Variants in CEP120 observed in about 807,000 individuals in gnomAD.
The protein encoded by CEP120 is centrosomal protein of 120 kDa.
In CEP120, 113 loss-of-function variants were observed where a neutral mutation model predicts 126.5. That is an observed-to-expected ratio of 0.89 (90% CI 0.77 to 1.04). The LOEUF (loss-of-function observed/expected upper bound fraction) is 1.04, where lower values mean the gene tolerates loss of function less well. Among genes scored for constraint, CEP120 ranks in the 50% least tolerant of loss-of-function variants. The pLI is 0.00. For synonymous variants in CEP120, 400 were observed against 394.3 expected, an observed-to-expected ratio of 1.01 and a Z score of -0.17; for missense variants, 1,230 against 1,155.7, an observed-to-expected ratio of 1.06 and a Z score of -0.93.
chr5:123,420,856 C>T (rs536722162), intron 1 of CEP120, among the ~76,000 whole-genome samples: 14 of 152,290 alleles, frequency 9.2e-5, no homozygotes, highest in African/African-American at 3.1e-4. Flanking sequence ...ATCAATTATA[C>T]TTGATGACCA....
intron 3 of CEP120, 49 bp downstream of exon 3, chr5:123,415,961 T>C (rs201654132): frequency 1.6e-6 from 2 of 1,219,010 alleles, no homozygotes; most frequent in Non-Finnish European, 2.4e-6. Context: ...CTACTGAAAA[T>C]AATCGACTGT....
chr5:123,411,387 T>A (rs968973157), intron 4 of CEP120, among the ~76,000 whole-genome samples: 4 of 152,206 alleles, frequency 2.6e-5, no homozygotes, highest in African/African-American at 9.6e-5. Context: ...CACAGATGTT[T>A]ACAGCAGTTT....
chr5:123,382,427 T>A (rs559903314), intron 13 of CEP120, among the ~76,000 whole-genome samples: 1 of 151,712 alleles, frequency 6.6e-6, no homozygotes, highest in African/African-American at 2.4e-5. Context: ...GCTTTCTAAC[T>A]CTTGTTTGGA....
intron 4 of CEP120, among the ~76,000 whole-genome samples, chr5:123,411,685 G>T (rs1323389140): frequency 6.6e-6 from 1 of 152,224 alleles, no homozygotes; most frequent in African/African-American, 2.4e-5. Context: ...CAAGGGGATG[G>T]GAGGAGGGAG....
intron 4 of CEP120, among the ~76,000 whole-genome samples, chr5:123,407,295 G>A (rs932751680): frequency 6.6e-6 from 1 of 151,948 alleles, no homozygotes; most frequent in African/African-American, 2.4e-5. Context: ...TAGTTTAAAT[G>A]CACCAGTTAA....
chr5:123,415,258 G>A (rs1156426970), intron 3 of CEP120, among the ~76,000 whole-genome samples: 1 of 152,116 alleles, frequency 6.6e-6, no homozygotes, highest in Admixed American at 6.5e-5. Flanking sequence ...CAGAATAGCA[G>A]ACAGATCAGG....
At chr5:123,396,989 C>A (rs1346311979) in intron 5 of CEP120, among the ~76,000 whole-genome samples, 1 of 152,110 alleles carries the variant, frequency 6.6e-6, no homozygotes, top group Non-Finnish European at 1.5e-5. Context: ...TAAATATGAA[C>A]AATTATGCTT....
At chr5:123,408,455 G>A (rs779704431) in intron 4 of CEP120, among the ~76,000 whole-genome samples, 1 of 151,294 alleles carries the variant, frequency 6.6e-6, no homozygotes, top group Non-Finnish European at 1.5e-5. Context: ...AGAGCCTACC[G>A]GTATTAAAAT....
intron 9 of CEP120, among the ~76,000 whole-genome samples, chr5:123,387,514 A>C (rs1470520548): frequency 6.6e-6 from 1 of 152,152 alleles, no homozygotes; most frequent in Admixed American, 6.5e-5. Context: ...ACACAGCTGC[A>C]AACTACAATT....
In CEP120 at chr5:123,422,600, A is replaced by C. The variant is rs1158076528; in HGVS notation, c.49+350T>G. The C allele has an allele frequency of 5.4e-6, 8 of 1,470,490 alleles. No homozygotes were observed. The South Asian group carries it at 9.7e-5, about 18-fold the overall frequency. The allele number at this position is 1,470,490 out of a possible 1,614,324, so 91.1% of individuals were successfully genotyped here. A position where few individuals can be genotyped will look rare whatever the true frequency, so the allele number is the denominator to read the frequency against. On this transcript the variant is annotated intron_variant, in intron 1 of 19. Coordinates refer to ENST00000306467, the MANE Select transcript of CEP120 (RefSeq NM_001375405.1). ...CCTGTATTCAAGTCAAAGCTCTTACAAGTGCTATTATTGGGAACCGCTGAT... is the reference window on the plus strand; with the variant it reads ...CCTGTATTCAAGTCAAAGCTCTTACCAGTGCTATTATTGGGAACCGCTGAT...
rs112750421 is a variant in CEP120 at position 123,422,551 on chromosome 5, G to A, written c.49+399C>T. On this transcript the variant is annotated intron_variant, in intron 1 of 19. Transcript: ENST00000306467. Reference sequence around the variant, plus strand: ...AGACGTGTAAAGGGAATTGCCTCCGGAACACTTCTGGAATCGCAGGAAGCC... The same window carrying A: ...AGACGTGTAAAGGGAATTGCCTCCGAAACACTTCTGGAATCGCAGGAAGCC... The A allele has an allele frequency of 1.1e-3, 1,658 of 1,535,396 alleles. 17 individuals carry two copies. In the African/African-American group the frequency reaches 0.02, roughly 18 times the overall value.
chr5:123,377,431 T>C lies in CEP120; in HGVS notation c.2301A>G (p.Glu767=). The change falls in exon 16 of 20, where the codon GAA becomes GAG. Residue 767 remains glutamate, a synonymous_variant. Transcript: ENST00000306467. ...GCTGTTTGATTTTTAACCTTTCTAG[T>C]TCTACTTGGTGAATACAGTCCTCTT... ...RAKEDCIHQV[E]LERLKIKQLE... The C allele has an allele frequency of 1.9e-6, 3 of 1,611,602 alleles. No homozygotes were observed. The South Asian group carries it at 3.3e-5, about 18-fold the overall frequency.
intron 8 of CEP120, among the ~76,000 whole-genome samples, chr5:123,389,226 T>C (rs1230769083): frequency 6.6e-6 from 1 of 152,196 alleles, no homozygotes; most frequent in African/African-American, 2.4e-5. Context: ...ATATGCATTC[T>C]TAGACTCTCT....
Position 123,382,786 on chromosome 5 carries a change from A to C in CEP120, c.1964T>G (p.Leu655Arg). Residue 655 changes from leucine to arginine, a missense_variant, in exon 13 of 20, where the codon CTT becomes CGT. By Grantham distance (102) the Leu-to-Arg change is moderately radical. Transcript: ENST00000306467. ...CATCTCCTTCCACATTTCTAGCTCA[A>C]GTGCTGCTTTGTATTCTAACGTTTC... ...PRETLEYKAA[L>R]ELEMWKEMQE... 6.2e-7 allele frequency: 1 copy of C among 1,613,334 alleles called. No homozygotes were observed. Among genetic ancestry groups the C allele is most frequent in the Non-Finnish European group, 8.5e-7 (1 of 1,179,600 alleles).
At chr5:123,409,636 T>G (rs1023827458) in intron 4 of CEP120, among the ~76,000 whole-genome samples, 2 of 152,084 alleles carry the variant, frequency 1.3e-5, no homozygotes, top group African/African-American at 4.8e-5. Context: ...ATAAAAAATA[T>G]GTGGAAAGAA....
intron 18 of CEP120, among the ~76,000 whole-genome samples, chr5:123,357,543 C>T (rs1295574609): frequency 6.6e-6 from 1 of 152,088 alleles, no homozygotes; most frequent in Admixed American, 6.6e-5. Flanking sequence ...GTAATGAGCA[C>T]AAGACATAAA....
intron 18 of CEP120, among the ~76,000 whole-genome samples, chr5:123,354,784 T>TAAA (rs910503259): frequency 6.6e-6 from 1 of 151,254 alleles, no homozygotes; most frequent in Admixed American, 6.6e-5. Context: ...TGTTTTTTTT[T>TAAA]TAAATATATT....
chr5:123,367,990 C>G (rs1770585520), intron 17 of CEP120, among the ~76,000 whole-genome samples: 1 of 151,874 alleles, frequency 6.6e-6, no homozygotes, highest in South Asian at 2.1e-4. Context: ...TTCAGAAGAG[C>G]TGAAAAGCCT....
chr5:123,389,428 G>C (rs1176157836), intron 8 of CEP120, among the ~76,000 whole-genome samples: 2 of 152,128 alleles, frequency 1.3e-5, no homozygotes, highest in Non-Finnish European at 1.5e-5. Flanking sequence ...TGTTAATTTA[G>C]AGAATTATAT....
Sources: allele counts gnomAD v4.1 joint callset (sites outside exome capture counted in the v4.1 genomes callset), GRCh38; gene constraint gnomAD v4.1.1; transcripts MANE v1.5; gene names NCBI Gene and HGNC (gene_info 2026-07-23, HGNC 2026-07-21).